The following CDIN1 variants were observed in gnomAD, a reference collection of about 807,000 sequenced individuals.
CDIN1 encodes CDAN1-interacting nuclease 1.
A neutral mutation model predicts 45.3 loss-of-function variants in CDIN1; 33 were observed. That is an observed-to-expected ratio of 0.73 (90% CI 0.55 to 0.97). The LOEUF is 0.97. CDIN1 is among the 50% of genes least tolerant of loss of function. CDIN1 has a pLI of 0.00. For missense variants in CDIN1, 303 were observed against 339.4 expected (o/e 0.89, Z 0.84); for synonymous variants, 118 against 124.4 (o/e 0.95, Z 0.34).
intron 7 of CDIN1, among the ~76,000 whole-genome samples, chr15:36,694,085 A>T (rs892601037): frequency 1.3e-5 from 2 of 152,336 alleles, no homozygotes; most frequent in Middle Eastern, 3.4e-3. Flanking sequence ...TTTGCATTTC[A>T]TATATGTTTA....
chr15:36,735,616 T>C (rs2043990297), intron 10 of CDIN1, among the ~76,000 whole-genome samples: 1 of 152,148 alleles, frequency 6.6e-6, no homozygotes, highest in African/African-American at 2.4e-5. Context: ...ATAGTCTTAT[T>C]GCACTTTTAA....
At chr15:36,743,761 C>T (rs1357614308) in intron 10 of CDIN1, among the ~76,000 whole-genome samples, 2 of 151,852 alleles carry the variant, frequency 1.3e-5, no homozygotes, top group East Asian at 1.9e-4. Context: ...TGGTGATATG[C>T]GCATGTGGTC....
intron 10 of CDIN1, among the ~76,000 whole-genome samples, chr15:36,723,329 GATTC>G (rs1457800920): frequency 6.6e-6 from 1 of 151,442 alleles, no homozygotes; most frequent in Admixed American, 6.6e-5. Flanking sequence ...TTTTTTTTAG[GATTC>G]ATCAACTCAT....
chr15:36,629,625 T>C (rs192492942), intron 1 of CDIN1, among the ~76,000 whole-genome samples: 14 of 152,344 alleles, frequency 9.2e-5, no homozygotes, highest in African/African-American at 3.4e-4. Flanking sequence ...TCTCATGTTA[T>C]ATTCTAAACC....
intron 10 of CDIN1, among the ~76,000 whole-genome samples, chr15:36,807,064 A>G (rs1232811613): frequency 6.6e-6 from 1 of 152,180 alleles, no homozygotes; most frequent in Non-Finnish European, 1.5e-5. Context: ...ATGGTTCTGT[A>G]CCTGCACAGA....
At chr15:36,737,161 CG>C (rs770679771) in intron 10 of CDIN1, among the ~76,000 whole-genome samples, 37 of 145,984 alleles carry the variant, frequency 2.5e-4, no homozygotes, top group Non-Finnish European at 4.9e-4. Context: ...GAGTGAGACC[CG>C]GTCTCAAAAA....
Position 36,809,700 on chromosome 15 carries a change from A to G in CDIN1, c.*1247A>G, listed in dbSNP as rs1164486007. On this transcript the variant is annotated 3_prime_UTR_variant, in exon 11 of 11. Transcript: ENST00000566621. The stretch of plus-strand genomic sequence containing the variant: ...TAATGTTGAATAGATGATATGGGAA[A>G]TACTAATAACAACAATGTAATTTTT... 1 of 152,200 alleles carries G rather than the reference A, an allele frequency of 6.6e-6. No individual in the cohort carries two copies. Among genetic ancestry groups the G allele is most frequent in the East Asian group, 1.9e-4 (1 of 5,200 alleles). 9.4% of individuals were successfully genotyped at this position (152,200 alleles called of 1,614,324 possible).
chr15:36,729,958 G>A (rs2043779898), intron 10 of CDIN1, among the ~76,000 whole-genome samples: 1 of 151,960 alleles, frequency 6.6e-6, no homozygotes, highest in Admixed American at 6.6e-5. Flanking sequence ...CAAAGACAGT[G>A]TTTTTTTAAA....
chr15:36,720,861 C>G (rs1414991524), intron 10 of CDIN1, among the ~76,000 whole-genome samples: 1 of 152,168 alleles, frequency 6.6e-6, no homozygotes, highest in African/African-American at 2.4e-5. Context: ...ATACTGTCTT[C>G]CACAATGGTT....
At chr15:36,741,369 G>T (rs138125530) in intron 10 of CDIN1, among the ~76,000 whole-genome samples, 155 of 151,194 alleles carry the variant, frequency 1.0e-3, no homozygotes, top group African/African-American at 3.5e-3. Context: ...CCAACTAGTT[G>T]TAAGTGTTTA....
At chr15:36,730,704 C>A (rs1467562496) in intron 10 of CDIN1, among the ~76,000 whole-genome samples, 1 of 151,992 alleles carries the variant, frequency 6.6e-6, no homozygotes, top group Non-Finnish European at 1.5e-5. Flanking sequence ...TCCCTCACCC[C>A]ACAAATGTAT....
intron 1 of CDIN1, chr15:36,617,198 A>G: frequency 1.2e-6 from 1 of 864,772 alleles, no homozygotes; most frequent in Non-Finnish European, 2.0e-6. Context: ...CCAGTAACTC[A>G]TAGAACTGAA....
At chr15:36,596,879 T>G (rs1375131149) in intron 1 of CDIN1, among the ~76,000 whole-genome samples, 1 of 152,170 alleles carries the variant, frequency 6.6e-6, no homozygotes, top group African/African-American at 2.4e-5. Flanking sequence ...TAAATCTGAT[T>G]CCTGCATGTG....
chr15:36,727,346 A>G (rs2043670144), intron 10 of CDIN1, among the ~76,000 whole-genome samples: 1 of 151,666 alleles, frequency 6.6e-6, no homozygotes, highest in Non-Finnish European at 1.5e-5. Context: ...CTTAAAAAAA[A>G]AAAAAAAAGA....
At chr15:36,631,752 T>C (rs944588673) in intron 1 of CDIN1, among the ~76,000 whole-genome samples, 3 of 152,244 alleles carry the variant, frequency 2.0e-5, no homozygotes, top group South Asian at 2.1e-4. Context: ...ATGTTTTTAG[T>C]TCTCTTGGGT....
chr15:36,804,135 TG>T (rs1421422104), intron 10 of CDIN1, among the ~76,000 whole-genome samples: 16 of 152,248 alleles, frequency 1.1e-4, no homozygotes, highest in African/African-American at 2.9e-4. Context: ...ACCAACCTCA[TG>T]GAGTTGGCAT....
chr15:36,638,285 A>T (rs2039981388), intron 1 of CDIN1, among the ~76,000 whole-genome samples: 1 of 152,242 alleles, frequency 6.6e-6, no homozygotes. Flanking sequence ...GGAAAATTAT[A>T]GTCCAGAATG....
At position 36,625,497 on chromosome 15, in the gene CDIN1, C is replaced by T. The variant is rs370957713; in HGVS notation, c.102-18781C>T. ...AATTCTCTGATAAGAGAGATTCATT[C>T]ATGATATTTTCTGTATAAGCAAAAC... is the stretch of plus-strand genomic sequence containing the variant. On this transcript the variant is annotated intron_variant, in intron 1 of 10. Transcript: ENST00000566621. Among the ~76,000 whole-genome samples, 16 of 152,236 alleles carry T rather than the reference C, an allele frequency of 1.1e-4. 1 individual carries two copies. The highest frequency in any genetic ancestry group is 3.9e-4 in the African/African-American group (16 of 41,552).
At chr15:36,751,646 G>T (rs78530618) in intron 10 of CDIN1, among the ~76,000 whole-genome samples, 1 of 151,922 alleles carries the variant, frequency 6.6e-6, no homozygotes, top group Non-Finnish European at 1.5e-5. Context: ...CTTATTACTG[G>T]GTATATAACC....
Sources: gnomAD v4.1 joint callset for allele counts (sites outside exome capture counted in the v4.1 genomes callset) on GRCh38, gnomAD v4.1.1 for gene constraint, MANE v1.5 for transcripts, NCBI Gene and HGNC (gene_info 2026-07-23, HGNC 2026-07-21) for gene names.